The following BANP variants were observed in gnomAD, a reference collection of about 807,000 sequenced individuals.
The protein encoded by BANP is BTG3 associated nuclear protein.
Under a neutral mutation model 68.1 loss-of-function variants are expected in BANP, and 11 were observed. The observed-to-expected ratio is 0.16, with a 90% confidence interval of 0.10 to 0.27. The LOEUF (loss-of-function observed/expected upper bound fraction) is 0.27, where lower values mean the gene tolerates loss of function less well. Ranked by LOEUF, BANP falls within the 10% of genes least tolerant of loss-of-function variation. The probability of loss-of-function intolerance (pLI) is 1.00; values close to 1 mark genes in which losing one functional copy is unlikely to be tolerated. For missense variants in BANP, 504 were observed against 722.7 expected, an observed-to-expected ratio of 0.70 and a Z score of 3.47; for synonymous variants, 329 against 303.2, an observed-to-expected ratio of 1.09 and a Z score of -0.88.
Position 87,975,127 on chromosome 16 carries a change from A to C in BANP, c.12A>C (p.Glu4Asp). Reference sequence around the variant, plus strand: ...TCTCCGTGCTCTGGATGATGTCGGAACACGACCTGGCCGATGTGGTTCAGA... The same window carrying C: ...TCTCCGTGCTCTGGATGATGTCGGACCACGACCTGGCCGATGTGGTTCAGA... MMS[E>D]HDLADVVQIA... Residue 4 changes from glutamate (E) to aspartate (D), a missense_variant, in exon 2 of 14, where the codon GAA (glutamate) becomes GAC (aspartate). By Grantham distance (45) the Glu-to-Asp change is conservative. Transcript: ENST00000682872. The C allele has an allele frequency of 6.2e-7, 1 of 1,614,122 alleles. No individual in the cohort carries two copies. Among genetic ancestry groups the C allele is most frequent in the Non-Finnish European group, 8.5e-7 (1 of 1,179,980 alleles).
At chr16:87,997,918 C>G (rs1266630252) in intron 4 of BANP, among the ~76,000 whole-genome samples, 2 of 152,194 alleles carry the variant, frequency 1.3e-5, no homozygotes, top group African/African-American at 4.8e-5. Context: ...TTTAAGTCAC[C>G]TTTAGTTTAG....
intron 7 of BANP, among the ~76,000 whole-genome samples, chr16:88,023,646 C>T (rs968897869): frequency 2.0e-5 from 3 of 152,206 alleles, no homozygotes; most frequent in Admixed American, 2.0e-4. Flanking sequence ...GATGACAAGC[C>T]CTCCTGGCTC....
chr16:88,006,136 G>A lies in BANP; in HGVS notation c.526G>A (p.Gly176Ser). 2 of 1,614,086 alleles carry A rather than the reference G, an allele frequency of 1.2e-6. No individual in the cohort carries two copies. Among genetic ancestry groups the A allele is most frequent in the East Asian group, 2.2e-5 (1 of 44,870 alleles). The change falls in exon 6 of 14, where the codon GGC becomes AGC. Residue 176 changes from glycine (G) to serine (S), a missense_variant. Transcript: ENST00000682872. ...RQNTIVVKVP[G>S]QEDSHHEDGE... is the part of the protein sequence containing the mutation. ...GAACACCATTGTGGTGAAGGTGCCG[G>A]GCCAAGAAGACAGCCACCACGAGGA...
Position 88,004,946 on chromosome 16 carries a change from A to G in BANP, c.479+535A>G, listed in dbSNP as rs535125385. On this transcript the variant is annotated intron_variant, in intron 5 of 13. Coordinates refer to ENST00000682872, the MANE Select transcript of BANP (RefSeq NM_001386991.1). This position sits in a 1 kb window ranked among gnomAD's most constrained non-coding sequence, Gnocchi z 7.0. ...GGCTGTGCAGTGGCCTCTGGCTGGC[A>G]TCCAAGCCCTGCTGTCCCCAGGAGT... is the stretch of plus-strand genomic sequence containing the variant. Among the ~76,000 whole-genome samples the G allele has an allele frequency of 5.3e-5, 8 of 152,320 alleles. No individual in the cohort carries two copies. The highest frequency in any genetic ancestry group is 1.4e-4 in the African/African-American group (6 of 41,570).
intron 4 of BANP, among the ~76,000 whole-genome samples, chr16:87,987,601 C>T (rs1307939315): frequency 6.7e-6 from 1 of 148,642 alleles, no homozygotes; most frequent in Admixed American, 7.0e-5. Flanking sequence ...GTGGCACCCG[C>T]CTGTAATCTC....
intron 1 of BANP, among the ~76,000 whole-genome samples, chr16:87,958,609 C>T (rs1262116898): frequency 6.6e-6 from 1 of 152,076 alleles, no homozygotes; most frequent in Non-Finnish European, 1.5e-5. Context: ...ACTGGAGGAT[C>T]ACTCGAGCCC....
intron 12 of BANP, among the ~76,000 whole-genome samples, chr16:88,066,211 C>T (rs370133716): frequency 4.3e-4 from 66 of 152,334 alleles, no homozygotes; most frequent in African/African-American, 1.5e-3. Context: ...CTCAGGTACA[C>T]AGCTTTTAAG....
At chr16:88,060,562 A>G (rs1335670114) in intron 11 of BANP, among the ~76,000 whole-genome samples, 1 of 152,166 alleles carries the variant, frequency 6.6e-6, no homozygotes, top group Non-Finnish European at 1.5e-5. Context: ...CCATACAGTA[A>G]GTTTTCCAAG....
rs80203996 is a variant in BANP at position 88,002,140 on chromosome 16, T to G, written c.363-2155T>G. Among the ~76,000 whole-genome samples the G allele has an allele frequency of 0.014, 2,190 of 152,312 alleles. 58 individuals are homozygous for G. Among genetic ancestry groups the G allele is most frequent in the African/African-American group, 0.051 (2,112 of 41,558 alleles). ...GTTTGACTGCTTAGATGAGACAGGATTCCATGTTGGTCCTGCTGTTTTTGG... is the reference window on the plus strand; with the variant it reads ...GTTTGACTGCTTAGATGAGACAGGAGTCCATGTTGGTCCTGCTGTTTTTGG... On this transcript the variant is annotated intron_variant, in intron 4 of 13. Coordinates refer to ENST00000682872, the MANE Select transcript of BANP (RefSeq NM_001386991.1). The surrounding 1 kb of genome is among the most constrained non-coding windows in gnomAD (Gnocchi z 4.6).
At chr16:87,975,333 T>C (rs1025423996) in intron 2 of BANP, 148 bp downstream of exon 2, 1 of 774,590 alleles carries the variant, frequency 1.3e-6, no homozygotes, top group Non-Finnish European at 2.1e-6. Context: ...ATGTGAACAC[T>C]GTCGGCCCCT....
At chr16:87,988,728 A>G (rs1258609667) in intron 4 of BANP, among the ~76,000 whole-genome samples, 2 of 152,162 alleles carry the variant, frequency 1.3e-5, no homozygotes, top group African/African-American at 2.4e-5. Flanking sequence ...AGATGCAGAC[A>G]CCTTAAGGGG....
chr16:88,034,252 A>C (rs2078825473), intron 9 of BANP, among the ~76,000 whole-genome samples: 1 of 152,248 alleles, frequency 6.6e-6, no homozygotes, highest in Non-Finnish European at 1.5e-5. Flanking sequence ...TTTGACATTC[A>C]CAACGGCAGT....
chr16:88,053,389 A>G (rs1026674829), intron 11 of BANP, among the ~76,000 whole-genome samples: 9 of 151,620 alleles, frequency 5.9e-5, no homozygotes, highest in African/African-American at 1.7e-4. Context: ...CTCCTTCACT[A>G]TCATCACCAT....
intron 6 of BANP, among the ~76,000 whole-genome samples, chr16:88,015,785 C>T (rs2074403288): frequency 2.0e-5 from 3 of 152,272 alleles, no homozygotes; most frequent in East Asian, 1.9e-4. Flanking sequence ...GCCTCAGCGG[C>T]TTTCACTCCA....
intron 1 of BANP, among the ~76,000 whole-genome samples, chr16:87,962,398 T>G (rs1434887229): frequency 6.6e-6 from 1 of 152,190 alleles, no homozygotes; most frequent in Non-Finnish European, 1.5e-5. Context: ...TATTCAAACA[T>G]TTTTTGTTCT....
At chr16:88,051,485 G>A (rs1027876492) in intron 11 of BANP, among the ~76,000 whole-genome samples, 2 of 152,200 alleles carry the variant, frequency 1.3e-5, no homozygotes, top group Non-Finnish European at 2.9e-5. Flanking sequence ...GGTGCCTCAC[G>A]CGCAGTAGGC....
intron 12 of BANP, among the ~76,000 whole-genome samples, chr16:88,070,076 C>T (rs535639881): frequency 6.6e-6 from 1 of 152,314 alleles, no homozygotes; most frequent in Non-Finnish European, 1.5e-5. Flanking sequence ...TTTCCTCTCG[C>T]CTGTGCCTTT....
chr16:87,999,923 C>T (rs1185733341), intron 4 of BANP, among the ~76,000 whole-genome samples: 13 of 99,726 alleles, frequency 1.3e-4, no homozygotes, highest in East Asian at 7.5e-4. Flanking sequence ...TCTCCATGCA[C>T]GCACGTGCGC....
chr16:87,975,924 GGTGTGT>G (rs1567634755), intron 2 of BANP, among the ~76,000 whole-genome samples: 1 of 110,976 alleles, frequency 9.0e-6, no homozygotes, highest in Admixed American at 9.3e-5. Context: ...CTTACCATGT[GGTGTGT>G]GTAATCCCCT....
Sources: allele counts gnomAD v4.1 joint callset (sites outside exome capture counted in the v4.1 genomes callset), GRCh38; gene constraint gnomAD v4.1.1; non-coding constraint Gnocchi (gnomAD v3.1); transcripts MANE v1.5; gene names NCBI Gene and HGNC (gene_info 2026-07-23, HGNC 2026-07-21).